Variants in ANTKMT observed in about 807,000 individuals in gnomAD.
The protein encoded by ANTKMT is adenine nucleotide translocase lysine N-methyltransferase.
Under a neutral mutation model 20.7 loss-of-function variants are expected in ANTKMT, and 24 were observed. The observed-to-expected ratio is 1.16, with a 90% CI of 0.84 to 1.63. The LOEUF (loss-of-function observed/expected upper bound fraction) is 1.63, where lower values mean the gene tolerates loss of function less well. Among genes scored for constraint, ANTKMT ranks in the 40% most tolerant of loss-of-function variants. The pLI, the probability that ANTKMT is intolerant of heterozygous loss-of-function variation, is 0.00. For missense variants in ANTKMT, 428 were observed against 334.8 expected (o/e 1.28, Z -2.17); for synonymous variants, 193 against 161.2 (o/e 1.20, Z -1.49).
Position 721,159 on chromosome 16 carries a change from C to A in ANTKMT, c.-116C>A, listed in dbSNP as rs926824435. 216 of 1,063,838 alleles carry A rather than the reference C, an allele frequency of 2.0e-4. No homozygotes were observed. The highest frequency in any genetic ancestry group is 2.2e-4 in the Non-Finnish European group (188 of 845,994). 65.9% of individuals were successfully genotyped at this position (1,063,838 alleles called of 1,614,324 possible). On this transcript the variant is annotated 5_prime_UTR_variant, in exon 1 of 5. Coordinates refer to ENST00000569529, the MANE Select transcript of ANTKMT (RefSeq NM_023933.3). ...GCTCTGCCGGCCACTTCCGGTGTCG[C>A]GCGGCGGCTCCCGGCAGGAGGCAGA...
At position 721,618 on chromosome 16, in the gene ANTKMT, C is replaced by T. The variant is rs879860495; in HGVS notation, c.183C>T (p.Ser61=). ...LRLQVPYVGA[S]ARQVEHVLSL... ...TCCAGGTGCCCTACGTCGGCGCGAG[C>T]GCGCGGCAGGTGGAGCACGTGTTGT... The change falls in exon 2 of 5, where the codon AGC becomes AGT. Residue 61 remains serine, a synonymous_variant. Coordinates refer to ENST00000569529, the MANE Select transcript of ANTKMT (RefSeq NM_023933.3). 6.5e-7 allele frequency: 1 copy of T among 1,544,798 alleles called. No homozygotes were observed. The highest frequency in any genetic ancestry group is 8.7e-7 in the Non-Finnish European group (1 of 1,145,698).
chr16:721,757 C>T (rs748683001), intron 2 of ANTKMT, 44 bp from the exon 3 acceptor site: 7 of 1,532,626 alleles, frequency 4.6e-6, no homozygotes, highest in Non-Finnish European at 6.1e-6. Flanking sequence ...TGCTGGCGGG[C>T]GCCCCTGCCC....
At position 722,372 on chromosome 16, in the gene ANTKMT, C is replaced by T. The variant is rs763681865; in HGVS notation, c.523C>T (p.Arg175Cys). The change falls in exon 5 of 5, where the codon CGC becomes TGC. Residue 175 changes from arginine to cysteine, a missense_variant. Arg to Cys is a radical substitution (Grantham distance 180). Transcript: ENST00000569529. The part of the protein sequence containing the change: ...LPAGARVVSG[R>C]FPLPTWQPVT... Reference sequence around the variant, plus strand: ...TGCTGGGGCCCGCGTGGTGTCTGGGCGCTTCCCACTCCCCACCTGGCAGCC... The same window carrying T: ...TGCTGGGGCCCGCGTGGTGTCTGGGTGCTTCCCACTCCCCACCTGGCAGCC... 1.9e-6 allele frequency: 3 copies of T among 1,603,540 alleles called. No individual in the cohort carries two copies. The highest frequency in any genetic ancestry group is 2.3e-5 in the East Asian group (1 of 44,404).
Position 721,362 on chromosome 16 carries a change from T to G in ANTKMT, c.88T>G (p.Ser30Ala). The change falls in exon 1 of 5, where the codon TCG (serine) becomes GCG (alanine). Residue 30 changes from serine (S) to alanine (A), a missense_variant. Transcript: ENST00000569529. ...ALELLQAAAG[S>A]GLAAYAVWAL... The stretch of plus-strand genomic sequence containing the variant: ...GGAGCTGCTGCAGGCGGCGGCCGGC[T>G]CGGGCTTGGCAGCCTACGCGGTGTG... 1 of 1,334,298 alleles carries G rather than the reference T, an allele frequency of 7.5e-7. No homozygotes were observed. The highest frequency in any genetic ancestry group is 1.9e-5 in the South Asian group (1 of 53,676). 82.7% of individuals were successfully genotyped at this position (1,334,298 alleles called of 1,614,324 possible).
At position 721,619 on chromosome 16, in the gene ANTKMT, G is replaced by T. The variant is rs1388489446; in HGVS notation, c.184G>T (p.Ala62Ser). Residue 62 changes from alanine to serine, a missense_variant, in exon 2 of 5, where the codon GCG (alanine) becomes TCG (serine). Ala to Ser is a moderately conservative substitution (Grantham distance 99, BLOSUM62 1). Transcript: ENST00000569529. ...CCAGGTGCCCTACGTCGGCGCGAGCGCGCGGCAGGTGGAGCACGTGTTGTC... is the reference window on the plus strand; with the variant it reads ...CCAGGTGCCCTACGTCGGCGCGAGCTCGCGGCAGGTGGAGCACGTGTTGTC... The part of the protein sequence containing the change: ...RLQVPYVGAS[A>S]RQVEHVLSLL... 8 of 1,544,676 alleles carry T rather than the reference G, an allele frequency of 5.2e-6. No homozygotes were observed. The highest frequency in any genetic ancestry group is 7.0e-6 in the Non-Finnish European group (8 of 1,145,728).
chr16:721,817 G>A lies in ANTKMT; in HGVS notation c.284G>A (p.Arg95Lys), dbSNP rs62032514. The A allele has an allele frequency of 6.4e-7, 1 of 1,553,498 alleles. No individual in the cohort carries two copies. The highest frequency in any genetic ancestry group is 2.4e-5 in the East Asian group (1 of 41,876). Residue 95 changes from arginine (R) to lysine (K), a missense_variant, in exon 3 of 5, where the codon AGG becomes AAG. Arg to Lys is a conservative substitution (Grantham distance 26). Coordinates refer to ENST00000569529, the MANE Select transcript of ANTKMT (RefSeq NM_023933.3). ...GDGRIVLAAHRCGLRPAVGYE... is the reference protein window; with the variant it reads ...GDGRIVLAAHKCGLRPAVGYE... ...TGCCCACAGGTGCTGGCGGCCCACA[G>A]GTGCGGCCTCCGCCCGGCCGTGGGC...
rs762005401 is a variant in ANTKMT, at chr16:722,198, T to G, written c.459+64T>G. 8 of 1,590,458 alleles carry G rather than the reference T, an allele frequency of 5.0e-6. No homozygotes were observed. The African/African-American group carries it at 9.4e-5, about 19-fold the overall frequency. ...CCACACCCCAGGGTGTTTGCTGCTC[T>G]GAGGCCTGGGCCTGCCTGGTGGGTG... On this transcript the variant is annotated intron_variant, in intron 4 of 4. Transcript: ENST00000569529.
At position 721,182 on chromosome 16, in the gene ANTKMT, A is replaced by C; in HGVS notation, c.-93A>C. The C allele has an allele frequency of 8.6e-7, 1 of 1,165,068 alleles. No homozygotes were observed. Among genetic ancestry groups the C allele is most frequent in the Non-Finnish European group, 1.1e-6 (1 of 936,670 alleles). 72.2% of individuals were successfully genotyped at this position (1,165,068 alleles called of 1,614,324 possible). On this transcript the variant is annotated 5_prime_UTR_variant, in exon 1 of 5. Transcript: ENST00000569529. ...CGCGCGGCGGCTCCCGGCAGGAGGC[A>C]GAGGGCACACCGCCAGCCCCAGGCC...
At chr16:722,013 G>C (rs1320689291) in intron 3 of ANTKMT, 71 bp from the exon 4 acceptor site, 1 of 1,552,000 alleles carries the variant, frequency 6.4e-7, no homozygotes, top group East Asian at 2.4e-5. Flanking sequence ...CTGGGGGCCG[G>C]GACTCGGAAG....
chr16:722,458 G>A lies in ANTKMT; in HGVS notation c.609G>A (p.Gly203=). The change falls in exon 5 of 5, where the codon GGG becomes GGA. Residue 203 remains glycine, a synonymous_variant. Coordinates refer to ENST00000569529, the MANE Select transcript of ANTKMT (RefSeq NM_023933.3). Reference sequence around the variant, plus strand: ...GGGCTTATGATGTTCCTGAGGGTGGGCAGGCTGGGGAGGCCGCCTCCTCGC... The same window carrying A: ...GGGCTTATGATGTTCCTGAGGGTGGACAGGCTGGGGAGGCCGCCTCCTCGC... ...RVWAYDVPEG[G]QAGEAASSRI... 1 of 1,611,340 alleles carries A rather than the reference G, an allele frequency of 6.2e-7. No homozygotes were observed. The highest frequency in any genetic ancestry group is 8.5e-7 in the Non-Finnish European group (1 of 1,179,340).
chr16:722,575 G>A lies in ANTKMT; in HGVS notation c.*18G>A, dbSNP rs1264481180. The A allele has an allele frequency of 2.2e-6, 3 of 1,354,894 alleles. No homozygotes were observed. Among genetic ancestry groups the A allele is most frequent in the Non-Finnish European group, 2.9e-6 (3 of 1,019,442 alleles). The allele number at this position is 1,354,894 out of a possible 1,614,324, so 83.9% of individuals were successfully genotyped here. A position where few individuals can be genotyped will look rare whatever the true frequency, so the allele number is the denominator to read the frequency against. ...CCAGCTGAGTATTAGACACGATAAA[G>A]ACTCTGTGGGTTCTATCCTGACTCA... On this transcript the variant is annotated 3_prime_UTR_variant, in exon 5 of 5. Transcript: ENST00000569529.
Position 722,386 on chromosome 16 carries a change from C to G in ANTKMT, c.537C>G (p.Pro179=). 6.2e-7 allele frequency: 1 copy of G among 1,601,922 alleles called. No individual in the cohort carries two copies. The highest frequency in any genetic ancestry group is 8.5e-7 in the Non-Finnish European group (1 of 1,174,550). The part of the protein sequence containing the change: ...ARVVSGRFPL[P]TWQPVTAVGE... The stretch of plus-strand genomic sequence containing the variant: ...TGGTGTCTGGGCGCTTCCCACTCCC[C>G]ACCTGGCAGCCTGTGACCGCGGTTG... The change falls in exon 5 of 5, where the codon CCC becomes CCG. Residue 179 remains proline (P), a synonymous_variant. Transcript: ENST00000569529.
Position 721,201 on chromosome 16 carries a change from C to G in ANTKMT, c.-74C>G. The G allele has an allele frequency of 8.3e-7, 1 of 1,203,186 alleles. No individual in the cohort carries two copies. Among genetic ancestry groups the G allele is most frequent in the Middle Eastern group, 3.3e-4 (1 of 3,012 alleles). The allele number at this position is 1,203,186 out of a possible 1,614,324, so 74.5% of individuals were successfully genotyped here. On this transcript the variant is annotated 5_prime_UTR_variant, in exon 1 of 5. Transcript: ENST00000569529. ...GGAGGCAGAGGGCACACCGCCAGCC[C>G]CAGGCCAGGCTGCGAGGGCCGCGGA...
chr16:722,048 G>T, intron 3 of ANTKMT, 36 bp from the exon 4 acceptor site: 1 of 1,581,468 alleles, frequency 6.3e-7, no homozygotes, highest in Non-Finnish European at 8.6e-7. Flanking sequence ...TGCCCACCAG[G>T]CCTCTCCCCG....
Position 721,237 on chromosome 16 carries a change from G to A in ANTKMT, c.-38G>A. On this transcript the variant is annotated 5_prime_UTR_variant, in exon 1 of 5. Transcript: ENST00000569529. Reference sequence around the variant, plus strand: ...TGCGAGGGCCGCGGACCCGAGCCGGGAAGGACCTTGGGCGGACGAGCCGCG... The same window carrying A: ...TGCGAGGGCCGCGGACCCGAGCCGGAAAGGACCTTGGGCGGACGAGCCGCG... 3 of 1,236,234 alleles carry A rather than the reference G, an allele frequency of 2.4e-6. No individual in the cohort carries two copies. The highest frequency in any genetic ancestry group is 3.4e-5 in the East Asian group (1 of 29,468). The allele number at this position is 1,236,234 out of a possible 1,614,324, so 76.6% of individuals were successfully genotyped here.
chr16:722,395 GC>G lies in ANTKMT; in HGVS notation c.548del (p.Pro183LeufsTer2). On this transcript the variant is annotated frameshift_variant, in exon 5 of 5. Coordinates refer to ENST00000569529, the MANE Select transcript of ANTKMT (RefSeq NM_023933.3). LOFTEE classifies it low-confidence loss of function (END_TRUNC). ...GGCGCTTCCCACTCCCCACCTGGCAGCCTGTGACCGCGGTTGGCGAGGGCCT... is the reference window on the plus strand; with the variant it reads ...GGCGCTTCCCACTCCCCACCTGGCAGCTGTGACCGCGGTTGGCGAGGGCCT... The part of the protein sequence containing the change: ...SGRFPLPTWQ[P>X]VTAVGEGLDR... The G allele has an allele frequency of 3.1e-6, 5 of 1,601,450 alleles. No homozygotes were observed. Among genetic ancestry groups the G allele is most frequent in the Non-Finnish European group, 4.3e-6 (5 of 1,174,194 alleles).
intron 1 of ANTKMT, 22 bp downstream of exon 1, chr16:721,458 G>T: frequency 2.9e-6 from 4 of 1,361,864 alleles, no homozygotes; most frequent in South Asian, 1.7e-5. Flanking sequence ...GGCCAGGCCG[G>T]GCAGGGGAGC....
In ANTKMT at chr16:721,787, C is replaced by A; in HGVS notation, c.268-14C>A. On this transcript the variant is annotated splice_polypyrimidine_tract_variant and intron_variant, in intron 2 of 4. Transcript: ENST00000569529. Reference sequence around the variant, plus strand: ...CTGCCCACATCCTGGTTCCCACACTCTCGGTGCCCACAGGTGCTGGCGGCC... The same window carrying A: ...CTGCCCACATCCTGGTTCCCACACTATCGGTGCCCACAGGTGCTGGCGGCC... 6.5e-7 allele frequency: 1 copy of A among 1,537,856 alleles called. No homozygotes were observed. The highest frequency in any genetic ancestry group is 8.7e-7 in the Non-Finnish European group (1 of 1,143,524).
rs749056826 is a variant in ANTKMT, at chr16:722,314, G to A, written c.465G>A (p.Pro155=). The A allele has an allele frequency of 1.2e-5, 20 of 1,607,964 alleles. No individual in the cohort carries two copies. The highest frequency in any genetic ancestry group is 4.4e-5 in the South Asian group (4 of 90,334). Residue 155 remains proline, a synonymous_variant, in exon 5 of 5, where the codon CCG becomes CCA. Coordinates refer to ENST00000569529, the MANE Select transcript of ANTKMT (RefSeq NM_023933.3). ...VSVFLAPSVL[P]LLEDKLRTEL... ...TCTGCTGTTCTCTCCCTCAGCTCCC[G>A]CTGCTGGAGGACAAGCTGCGGACAG...
Sources: allele counts gnomAD v4.1 joint callset, GRCh38; gene constraint gnomAD v4.1.1; transcripts MANE v1.5; gene names NCBI Gene and HGNC (gene_info 2026-07-23, HGNC 2026-07-21).